The following PIGU variants were observed in gnomAD, a reference collection of about 807,000 sequenced individuals.
PIGU encodes GPI-anchor transamidase component PIGU.
In PIGU, 24 loss-of-function variants were observed where a neutral mutation model predicts 49.9. The ratio of observed to expected loss-of-function variants is 0.48; its 90% confidence interval spans 0.35 to 0.68. PIGU has a LOEUF of 0.68. PIGU is among the 30% of genes least tolerant of loss of function. PIGU has a pLI of 0.01. For missense variants in PIGU, 490 were observed against 532.6 expected (o/e 0.92, Z 0.79); for synonymous variants, 220 against 205.7 (o/e 1.07, Z -0.59).
intron 6 of PIGU, among the ~76,000 whole-genome samples, chr20:34,618,313 C>T (rs1353682140): frequency 6.6e-6 from 1 of 152,148 alleles, no homozygotes; most frequent in Non-Finnish European, 1.5e-5. Context: ...CAACAGGATA[C>T]TCTAAAACTA....
chr20:34,619,238 G>A (rs1985118872), intron 6 of PIGU, among the ~76,000 whole-genome samples: 1 of 152,174 alleles, frequency 6.6e-6, no homozygotes, highest in Non-Finnish European at 1.5e-5. Flanking sequence ...GTAGGAACAG[G>A]ATCACGCCCA....
At chr20:34,673,777 G>A (rs149525247) in intron 1 of PIGU, among the ~76,000 whole-genome samples, 35 of 152,248 alleles carry the variant, frequency 2.3e-4, no homozygotes, top group African/African-American at 7.2e-4. Flanking sequence ...CAGCTTGGCC[G>A]GGCGTGGTGG....
intron 7 of PIGU, among the ~76,000 whole-genome samples, chr20:34,609,732 C>T (rs1367253356): frequency 6.6e-6 from 1 of 152,104 alleles, no homozygotes; most frequent in Non-Finnish European, 1.5e-5. Context: ...AAATACCCTA[C>T]CATGACCCAC....
chr20:34,584,232 A>G (rs1490960793), intron 9 of PIGU, among the ~76,000 whole-genome samples: 1 of 152,142 alleles, frequency 6.6e-6, no homozygotes, highest in Non-Finnish European at 1.5e-5. Context: ...TACCTCCAGG[A>G]GTTGCTAGGT....
At position 34,627,103 on chromosome 20, in the gene PIGU, T is replaced by C. The variant is rs372668358; in HGVS notation, c.529+7512A>G. Among the ~76,000 whole-genome samples the C allele has an allele frequency of 4.1e-4, 62 of 152,280 alleles. No individual in the cohort carries two copies. In the South Asian group the frequency reaches 4.6e-3, roughly 11 times the overall value. ...CAAATATTTTAACAGATTAGAAATGTTGTTTGTGAGGGTCTCTATTTATAG... is the reference window on the plus strand; with the variant it reads ...CAAATATTTTAACAGATTAGAAATGCTGTTTGTGAGGGTCTCTATTTATAG... On this transcript the variant is annotated intron_variant, in intron 6 of 11. Transcript: ENST00000217446.
chr20:34,668,966 C>T (rs1987216501), intron 1 of PIGU, among the ~76,000 whole-genome samples: 1 of 139,686 alleles, frequency 7.2e-6, no homozygotes, highest in African/African-American at 2.7e-5. Context: ...CTCAATGCAG[C>T]TTCCTCATCC....
At chr20:34,614,862 G>C (rs979821941) in intron 7 of PIGU, among the ~76,000 whole-genome samples, 1 of 152,106 alleles carries the variant, frequency 6.6e-6, no homozygotes, top group East Asian at 1.9e-4. Flanking sequence ...ATTAAGAAAG[G>C]CTCTGAAATC....
At chr20:34,583,996 C>G (rs1445080533) in intron 9 of PIGU, among the ~76,000 whole-genome samples, 1 of 152,152 alleles carries the variant, frequency 6.6e-6, no homozygotes, top group Non-Finnish European at 1.5e-5. Flanking sequence ...GTCTGTTTTC[C>G]CTTATCTGAA....
At chr20:34,589,011 A>T (rs1983826068) in intron 7 of PIGU, among the ~76,000 whole-genome samples, 1 of 152,180 alleles carries the variant, frequency 6.6e-6, no homozygotes, top group Non-Finnish European at 1.5e-5. Context: ...GATCTAAAAA[A>T]TATGAGGTTA....
chr20:34,616,813 T>A (rs1475525323), intron 6 of PIGU, among the ~76,000 whole-genome samples: 1 of 152,128 alleles, frequency 6.6e-6, no homozygotes, highest in Non-Finnish European at 1.5e-5. Flanking sequence ...GCACAAACAT[T>A]TTTTAAAAGA....
chr20:34,660,516 C>T (rs1288223491), intron 1 of PIGU, among the ~76,000 whole-genome samples: 2 of 152,110 alleles, frequency 1.3e-5, no homozygotes, highest in African/African-American at 2.4e-5. Context: ...ACCTGGGAGG[C>T]GGAGGTTGCA....
chr20:34,562,616 A>C, intron 11 of PIGU: 9 of 1,255,472 alleles, frequency 7.2e-6, no homozygotes, highest in Non-Finnish European at 9.4e-6. Context: ...ACTGAGACTC[A>C]AAGGGTTCAA....
At chr20:34,579,351 G>A (rs962855326) in intron 10 of PIGU, 3 of 151,950 alleles carry the variant, frequency 2.0e-5, no homozygotes, top group Admixed American at 2.0e-4. Context: ...CAGCGTCTGG[G>A]ACCTACACTC....
intron 6 of PIGU, among the ~76,000 whole-genome samples, chr20:34,627,976 G>A (rs995004326): frequency 6.6e-6 from 1 of 152,120 alleles, no homozygotes; most frequent in Non-Finnish European, 1.5e-5. Flanking sequence ...CCTACAGAAA[G>A]ACCACTCATA....
At chr20:34,594,698 C>T (rs148276599) in intron 7 of PIGU, among the ~76,000 whole-genome samples, 69 of 151,996 alleles carry the variant, frequency 4.5e-4, no homozygotes, top group African/African-American at 1.5e-3. Context: ...CACTTGAACC[C>T]GAGAGGTGGA....
intron 11 of PIGU, among the ~76,000 whole-genome samples, chr20:34,567,656 G>A (rs1012702139): frequency 8.5e-5 from 13 of 152,160 alleles, no homozygotes; most frequent in Non-Finnish European, 1.3e-4. Flanking sequence ...AGCCAAAGGT[G>A]CAGTCTGGAC....
At position 34,666,497 on chromosome 20, in the gene PIGU, C is replaced by T. The variant is rs941972215; in HGVS notation, c.131-9253G>A. On this transcript the variant is annotated intron_variant, in intron 1 of 11. Transcript: ENST00000217446. Reference sequence around the variant, plus strand: ...CTCTCAACTCTTAACTGATAACTAACCCATGAAGCAAGCTTATTTAATTAA... The same window carrying T: ...CTCTCAACTCTTAACTGATAACTAATCCATGAAGCAAGCTTATTTAATTAA... Among the ~76,000 whole-genome samples the T allele has an allele frequency of 5.3e-5, 8 of 150,194 alleles. No homozygotes were observed. The Admixed American group carries it at 5.3e-4, about 10-fold the overall frequency.
intron 6 of PIGU, among the ~76,000 whole-genome samples, chr20:34,627,238 T>C (rs943360254): frequency 2.6e-5 from 4 of 152,190 alleles, no homozygotes; most frequent in African/African-American, 4.8e-5. Context: ...AAAGACTTCC[T>C]TTCCAATTTA....
intron 11 of PIGU, among the ~76,000 whole-genome samples, chr20:34,568,872 G>C (rs1191077361): frequency 1.3e-5 from 2 of 152,206 alleles, no homozygotes; most frequent in Non-Finnish European, 2.9e-5. Context: ...AATAGGCAGT[G>C]GCTTGAGGAG....
Sources: allele counts gnomAD v4.1 joint callset (sites outside exome capture counted in the v4.1 genomes callset), GRCh38; gene constraint gnomAD v4.1.1; transcripts MANE v1.5; gene names NCBI Gene and HGNC (gene_info 2026-07-23, HGNC 2026-07-21).